WDPCP: variants seen among roughly 807,000 people sequenced by gnomAD.
WDPCP encodes WD repeat-containing and planar cell polarity effector protein fritz homolog.
Under a neutral mutation model 93.1 loss-of-function variants are expected in WDPCP, and 71 were observed. The observed-to-expected ratio is 0.76, with a 90% CI of 0.63 to 0.93. WDPCP has a LOEUF of 0.93. Among genes scored for constraint, WDPCP ranks in the 40% least tolerant of loss-of-function variants. The pLI is 0.00. For synonymous variants in WDPCP, 315 were observed against 315.0 expected, an observed-to-expected ratio of 1.00 and a Z score of 0.00; for missense variants, 844 against 887.4, an observed-to-expected ratio of 0.95 and a Z score of 0.62.
chr2:63,677,680 A>AT (rs1710440781), intron 2 of WDPCP, among the ~76,000 whole-genome samples: 2 of 152,218 alleles, frequency 1.3e-5, no homozygotes, highest in Admixed American at 6.5e-5. Flanking sequence ...AAAGAAAATT[A>AT]CTACCGACCT....
chr2:63,319,807 T>A (rs1043466822), intron 12 of WDPCP, among the ~76,000 whole-genome samples: 1 of 152,188 alleles, frequency 6.6e-6, no homozygotes, highest in African/African-American at 2.4e-5. Flanking sequence ...AGAATACACA[T>A]TCTTCTTAAG....
chr2:63,653,732 G>A (rs936315040), intron 2 of WDPCP, among the ~76,000 whole-genome samples: 11 of 152,052 alleles, frequency 7.2e-5, no homozygotes, highest in East Asian at 3.8e-4. Flanking sequence ...CCAACAGGGC[G>A]AAACCCCGTC....
At chr2:63,657,628 G>A (rs1411787713) in intron 2 of WDPCP, among the ~76,000 whole-genome samples, 4 of 152,190 alleles carry the variant, frequency 2.6e-5, no homozygotes, top group Non-Finnish European at 5.9e-5. Context: ...CTAGAATGTA[G>A]GTGGTGCAGG....
At chr2:63,308,400 C>A (rs1436006561) in intron 13 of WDPCP, among the ~76,000 whole-genome samples, 1 of 152,162 alleles carries the variant, frequency 6.6e-6, no homozygotes, top group Non-Finnish European at 1.5e-5. Flanking sequence ...TGGGTATATA[C>A]CCAAAGGATT....
intron 14 of WDPCP, among the ~76,000 whole-genome samples, chr2:63,231,515 A>C (rs1678883631): frequency 6.6e-6 from 1 of 152,202 alleles, no homozygotes; most frequent in Non-Finnish European, 1.5e-5. Context: ...CAAAAATCAC[A>C]AGAATTCCTA....
At chr2:63,354,773 G>A (rs901615093) in intron 12 of WDPCP, among the ~76,000 whole-genome samples, 14 of 151,976 alleles carry the variant, frequency 9.2e-5, no homozygotes, top group African/African-American at 3.1e-4. Flanking sequence ...TGACAGAGCT[G>A]AATAACACAA....
At position 63,382,084 on chromosome 2, in the gene WDPCP, A is replaced by G. The variant is rs1372599753; in HGVS notation, c.1446T>C (p.Thr482=). The change falls in exon 11 of 18, where the codon ACT becomes ACC. Residue 482 remains threonine, a synonymous_variant. Transcript: ENST00000272321. ...TGTCTATCAGGCCCAGCTGTCCTCG[A>G]GTGAAGACGCCTATCACAAAACATG... ...GVLLFKLGVF[T]RGQLGLIDII... is the part of the protein sequence containing the mutation. 1 of 1,612,894 alleles carries G rather than the reference A, an allele frequency of 6.2e-7. No individual in the cohort carries two copies. The highest frequency in any genetic ancestry group is 8.5e-7 in the Non-Finnish European group (1 of 1,179,492).
chr2:63,390,223 G>C (rs545699122), intron 10 of WDPCP, among the ~76,000 whole-genome samples: 2 of 152,238 alleles, frequency 1.3e-5, no homozygotes, highest in East Asian at 3.9e-4. Flanking sequence ...AATCAAATTA[G>C]AACTCAGGAT....
At chr2:63,783,301 G>C (rs1373437569) in intron 2 of WDPCP, among the ~76,000 whole-genome samples, 1 of 151,918 alleles carries the variant, frequency 6.6e-6, no homozygotes, top group Non-Finnish European at 1.5e-5. Context: ...ACACACTGTA[G>C]TCCTAGCTAC....
chr2:63,507,291 G>C (rs1413940262), intron 1 of WDPCP, among the ~76,000 whole-genome samples: 1 of 152,042 alleles, frequency 6.6e-6, no homozygotes. Context: ...AAAGGATCAG[G>C]GCAACAGACT....
At chr2:63,324,574 G>A (rs1431761870) in intron 12 of WDPCP, among the ~76,000 whole-genome samples, 5 of 152,168 alleles carry the variant, frequency 3.3e-5, no homozygotes, top group African/African-American at 9.7e-5. Flanking sequence ...GGAAACCTTC[G>A]ATCTCACTTG....
chr2:63,636,707 A>G (rs1229549161), intron 3 of WDPCP, among the ~76,000 whole-genome samples: 1 of 152,214 alleles, frequency 6.6e-6, no homozygotes, highest in Non-Finnish European at 1.5e-5. Context: ...ACAGTACAAT[A>G]CTGGCCTAAA....
At chr2:63,248,926 TATTCTTTA>T (rs1163979614) in intron 14 of WDPCP, among the ~76,000 whole-genome samples, 1 of 151,954 alleles carries the variant, frequency 6.6e-6, no homozygotes, top group Non-Finnish European at 1.5e-5. Context: ...TTTTTTTTAA[TATTCTTTA>T]GTTCTTTATA....
chr2:63,533,968 G>A (rs988519624), intron 1 of WDPCP, among the ~76,000 whole-genome samples: 1 of 151,642 alleles, frequency 6.6e-6, no homozygotes, highest in Admixed American at 6.6e-5. Context: ...CTGCTAGCAA[G>A]ACTAAAAAAG....
chr2:63,179,104 G>A (rs1017147684), intron 14 of WDPCP, among the ~76,000 whole-genome samples: 8 of 151,686 alleles, frequency 5.3e-5, no homozygotes, highest in African/African-American at 1.9e-4. Flanking sequence ...AGGAATTTGA[G>A]GCTGGAGAAT....
At chr2:63,300,446 T>C (rs6708847) in intron 13 of WDPCP, among the ~76,000 whole-genome samples, 121,756 of 152,056 alleles carry the variant, frequency 0.8, 49,624 homozygotes, top group East Asian at 0.96. Flanking sequence ...AGTTGTTGCA[T>C]GGGACTGAAA....
chr2:63,418,612 T>C (rs13422170), intron 9 of WDPCP, among the ~76,000 whole-genome samples: 71,783 of 151,892 alleles, frequency 0.47, 17,612 homozygotes, highest in African/African-American at 0.59. Flanking sequence ...AAATACATGT[T>C]GGGGATTTCA....
At chr2:63,433,634 A>T in intron 9 of WDPCP, 111 bp downstream of exon 9, 1 of 1,171,514 alleles carries the variant, frequency 8.5e-7, no homozygotes, top group African/African-American at 1.5e-5. Flanking sequence ...TGAATATTTG[A>T]AAAACATAAA....
intron 1 of WDPCP, among the ~76,000 whole-genome samples, chr2:63,585,610 TAGAC>T (rs988481172): frequency 7.3e-4 from 111 of 152,236 alleles, no homozygotes; most frequent in African/African-American, 2.4e-3. Context: ...TGTAGCTACT[TAGAC>T]AGACAGCAAT....
Sources: gnomAD v4.1 joint callset for allele counts (sites outside exome capture counted in the v4.1 genomes callset) on GRCh38, gnomAD v4.1.1 for gene constraint, MANE v1.5 for transcripts, NCBI Gene and HGNC (gene_info 2026-07-23, HGNC 2026-07-21) for gene names.